The following CASZ1 variants were observed in gnomAD, a reference collection of about 807,000 sequenced individuals.
The protein encoded by CASZ1 is castor zinc finger 1.
CASZ1 carries 28 observed loss-of-function variants against 135.2 expected under a neutral mutation model. That is an observed-to-expected ratio of 0.21 (90% CI 0.15 to 0.28). The LOEUF is 0.28. CASZ1 is among the 10% of genes least tolerant of loss of function. The probability of loss-of-function intolerance (pLI) is 1.00; values close to 1 mark genes in which losing one functional copy is unlikely to be tolerated. For missense variants in CASZ1, 2,161 were observed against 2,453.3 expected (o/e 0.88, Z 2.52); for synonymous variants, 1,068 against 1,073.4 (o/e 0.99, Z 0.10).
chr1:10,773,058 G>A (rs914952472), intron 1 of CASZ1, among the ~76,000 whole-genome samples: 1 of 152,132 alleles, frequency 6.6e-6, no homozygotes, highest in Middle Eastern at 3.2e-3. Context: ...GGACCACAGA[G>A]AGGAAGGGGC....
intron 4 of CASZ1, among the ~76,000 whole-genome samples, chr1:10,690,624 G>C (rs938274320): frequency 1.3e-5 from 2 of 152,072 alleles, no homozygotes; most frequent in Non-Finnish European, 2.9e-5. Flanking sequence ...GACCCGCCTC[G>C]ACGACAAGGC....
In CASZ1 at chr1:10,741,416, G is replaced by A. The variant is rs2100532422; in HGVS notation, c.-77+19285C>T. On this transcript the variant is annotated intron_variant, in intron 2 of 20. Transcript: ENST00000377022. This position sits in a 1 kb window ranked among gnomAD's most constrained non-coding sequence, Gnocchi z 5.0. Reference sequence around the variant, plus strand: ...CAGGGCACAGGGAGCAGACACAGGTGCACACAAGCTCCAGCACTGGCCCAG... The same window carrying A: ...CAGGGCACAGGGAGCAGACACAGGTACACACAAGCTCCAGCACTGGCCCAG... 6.6e-6 allele frequency among the ~76,000 whole-genome samples: 1 copy of A among 152,332 alleles called. No individual in the cohort carries two copies. The highest frequency in any genetic ancestry group is 2.1e-4 in the South Asian group (1 of 4,828).
chr1:10,718,466 T>G (rs1639435189), intron 2 of CASZ1, among the ~76,000 whole-genome samples: 1 of 152,194 alleles, frequency 6.6e-6, no homozygotes, highest in Non-Finnish European at 1.5e-5. Flanking sequence ...TCCCCCAGAC[T>G]CCATAAAACA....
intron 4 of CASZ1, among the ~76,000 whole-genome samples, chr1:10,678,998 G>A (rs1310616640): frequency 6.6e-6 from 1 of 152,044 alleles, no homozygotes; most frequent in Non-Finnish European, 1.5e-5. Flanking sequence ...CTGCCCGCCC[G>A]CTGTGAGCCA....
Position 10,655,820 on chromosome 1 carries a change from G to A in CASZ1, c.1501-7C>T. On this transcript the variant is annotated splice_region_variant and splice_polypyrimidine_tract_variant and intron_variant, in intron 8 of 20. Coordinates refer to ENST00000377022, the MANE Select transcript of CASZ1 (RefSeq NM_001079843.3). ...CCTGCTTACTCGTGAACCTCTGCCAGGAGACAGCGCCACGTGGGCAGGAGC... is the reference window on the plus strand; with the variant it reads ...CCTGCTTACTCGTGAACCTCTGCCAAGAGACAGCGCCACGTGGGCAGGAGC... The A allele has an allele frequency of 6.2e-7, 1 of 1,612,570 alleles. No individual in the cohort carries two copies. Among genetic ancestry groups the A allele is most frequent in the Non-Finnish European group, 8.5e-7 (1 of 1,178,754 alleles).
intron 18 of CASZ1, among the ~76,000 whole-genome samples, chr1:10,644,558 C>T (rs1642305807): frequency 6.6e-6 from 1 of 152,208 alleles, no homozygotes; most frequent in Non-Finnish European, 1.5e-5. Flanking sequence ...GGAAAGAGAT[C>T]CCAGAGCAAA....
intron 1 of CASZ1, among the ~76,000 whole-genome samples, chr1:10,769,956 G>A (rs1327404727): frequency 6.6e-6 from 1 of 152,226 alleles, no homozygotes; most frequent in East Asian, 1.9e-4. Context: ...ACTGAGGTTT[G>A]GAAACTGAGT....
At chr1:10,644,540 A>G (rs1039547306) in intron 18 of CASZ1, among the ~76,000 whole-genome samples, 6 of 152,256 alleles carry the variant, frequency 3.9e-5, no homozygotes, top group African/African-American at 1.4e-4. Flanking sequence ...CCTCATCATG[A>G]AAGCCATGGA....
Position 10,694,932 on chromosome 1 carries a change from G to A in CASZ1, c.-23-1020C>T, listed in dbSNP as rs1443491369. 1.4e-5 allele frequency among the ~76,000 whole-genome samples: 2 copies of A among 143,476 alleles called. No homozygotes were observed. Among genetic ancestry groups the A allele is most frequent in the Non-Finnish European group, 3.1e-5 (2 of 64,756 alleles). 94.1% of individuals were successfully genotyped at this position (143,476 alleles called of 152,430 possible). A position where few individuals can be genotyped will look rare whatever the true frequency, so the allele number is the denominator to read the frequency against. ...GCTCGCATGCTGCCAGCGGCCGCTCGGGCCCCGCGAGCGCGACCGACGGCC... is the reference window on the plus strand; with the variant it reads ...GCTCGCATGCTGCCAGCGGCCGCTCAGGCCCCGCGAGCGCGACCGACGGCC... On this transcript the variant is annotated intron_variant, in intron 3 of 20. Transcript: ENST00000377022. This position sits in a 1 kb window ranked among gnomAD's most constrained non-coding sequence, Gnocchi z 6.6.
At chr1:10,745,394 A>G (rs1175515714) in intron 2 of CASZ1, among the ~76,000 whole-genome samples, 1 of 120,624 alleles carries the variant, frequency 8.3e-6, no homozygotes, top group African/African-American at 4.6e-5. Flanking sequence ...AGTACCAGGG[A>G]CACGAACACA....
At chr1:10,641,076 T>A (rs1049719603) in intron 20 of CASZ1, among the ~76,000 whole-genome samples, 1 of 152,224 alleles carries the variant, frequency 6.6e-6, no homozygotes, top group African/African-American at 2.4e-5. Flanking sequence ...CAGAGCCTGC[T>A]TAGAAGGCCC....
chr1:10,711,280 G>C lies in CASZ1; in HGVS notation c.-76-5736C>G, dbSNP rs977784850. Among the ~76,000 whole-genome samples, 2 of 152,158 alleles carry C rather than the reference G, an allele frequency of 1.3e-5. No homozygotes were observed. Among genetic ancestry groups the C allele is most frequent in the African/African-American group, 2.4e-5 (1 of 41,436 alleles). ...CAGCTTCTTCCATTGAAAAGTGGGG[G>C]CCCATGAGTACCTAGCTCAAAGGAA... On this transcript the variant is annotated intron_variant, in intron 2 of 20. Transcript: ENST00000377022. The surrounding 1 kb of genome is among the most constrained non-coding windows in gnomAD (Gnocchi z 4.4).
At chr1:10,649,848 G>A (rs1642502790) in intron 13 of CASZ1, 1 of 158,330 alleles carries the variant, frequency 6.3e-6, no homozygotes, top group Non-Finnish European at 1.4e-5. Context: ...GAGAACAAGA[G>A]GAGGCCCACA....
intron 2 of CASZ1, among the ~76,000 whole-genome samples, chr1:10,751,400 T>A (rs1245011352): frequency 1.3e-5 from 2 of 152,214 alleles, no homozygotes; most frequent in Admixed American, 1.3e-4. Context: ...TGGCCCCATC[T>A]TCAGGGGGAT....
rs1473228446 is a variant in CASZ1 at position 10,741,797 on chromosome 1, T to A, written c.-77+18904A>T. On this transcript the variant is annotated intron_variant, in intron 2 of 20. Transcript: ENST00000377022. This position sits in a 1 kb window ranked among gnomAD's most constrained non-coding sequence, Gnocchi z 5.0. ...AACGACTTTTATACATATTTATATATATATATAGTTATATATTAACAAACC... is the reference window on the plus strand; with the variant it reads ...AACGACTTTTATACATATTTATATAAATATATAGTTATATATTAACAAACC... Among the ~76,000 whole-genome samples, 1 of 152,004 alleles carries A rather than the reference T, an allele frequency of 6.6e-6. No homozygotes were observed. Among genetic ancestry groups the A allele is most frequent in the Non-Finnish European group, 1.5e-5 (1 of 68,004 alleles).
Position 10,794,576 on chromosome 1 carries a change from G to A in CASZ1, c.-234+1988C>T, listed in dbSNP as rs1471553468. ...CCAGCGTGGCTGGAAGGAGGTCCTC[G>A]CCGCGCCCAGAGCCGGCTTTCCAAG... On this transcript the variant is annotated intron_variant, in intron 1 of 20. Coordinates refer to ENST00000377022, the MANE Select transcript of CASZ1 (RefSeq NM_001079843.3). This position sits in a 1 kb window ranked among gnomAD's most constrained non-coding sequence, Gnocchi z 5.6. Among the ~76,000 whole-genome samples the A allele has an allele frequency of 6.6e-6, 1 of 152,072 alleles. No individual in the cohort carries two copies. Among genetic ancestry groups the A allele is most frequent in the East Asian group, 1.9e-4 (1 of 5,158 alleles).
chr1:10,793,968 C>T (rs1641011612), intron 1 of CASZ1, among the ~76,000 whole-genome samples: 1 of 152,178 alleles, frequency 6.6e-6, no homozygotes, highest in African/African-American at 2.4e-5. Context: ...TGGTCGCCAC[C>T]AGGACGCAAA....
intron 2 of CASZ1, among the ~76,000 whole-genome samples, chr1:10,728,979 C>T (rs1639647716): frequency 1.3e-5 from 2 of 152,130 alleles, no homozygotes; most frequent in South Asian, 4.1e-4. Flanking sequence ...TCCCCCCCCA[C>T]TCTCCGGACA....
rs566416450 is a variant in CASZ1, at chr1:10,759,971, C to T, written c.-77+730G>A. Among the ~76,000 whole-genome samples the T allele has an allele frequency of 2.6e-5, 4 of 152,304 alleles. No homozygotes were observed. The South Asian group carries it at 8.3e-4, about 32-fold the overall frequency. ...AATGACCAGCATGCAATGAGTCACC[C>T]AATGTGTGTCAACCCCTCACCCCAA... On this transcript the variant is annotated intron_variant, in intron 2 of 20. Transcript: ENST00000377022. The surrounding 1 kb of genome is among the most constrained non-coding windows in gnomAD (Gnocchi z 4.2).
Sources: gnomAD v4.1 joint callset for allele counts (sites outside exome capture counted in the v4.1 genomes callset) on GRCh38, gnomAD v4.1.1 for gene constraint, Gnocchi (gnomAD v3.1) non-coding constraint, MANE v1.5 for transcripts, NCBI Gene and HGNC (gene_info 2026-07-23, HGNC 2026-07-21) for gene names.